Variants in MAST4 observed in about 807,000 individuals in gnomAD.
MAST4 encodes the protein microtubule associated serine/threonine kinase family member 4.
In MAST4, 89 loss-of-function variants were observed where a neutral mutation model predicts 162.7. The observed-to-expected ratio is 0.55, with a 90% CI of 0.46 to 0.65. The LOEUF (loss-of-function observed/expected upper bound fraction) is 0.65, where lower values mean the gene tolerates loss of function less well. Among genes scored for constraint, MAST4 ranks in the 30% least tolerant of loss-of-function variants. MAST4 has a pLI of 0.00. For synonymous variants in MAST4, 1,479 were observed against 1,361.1 expected, an observed-to-expected ratio of 1.09 and a Z score of -1.91; for missense variants, 3,153 against 3,374.0, an observed-to-expected ratio of 0.93 and a Z score of 1.62.
At chr5:66,975,582 T>C (rs1748040481) in intron 4 of MAST4, among the ~76,000 whole-genome samples, 1 of 151,946 alleles carries the variant, frequency 6.6e-6, no homozygotes, top group Non-Finnish European at 1.5e-5. Flanking sequence ...GCAGGAGAGA[T>C]TAAGGACAAG....
Position 67,168,976 on chromosome 5 carries a change from C to T in MAST4, c.*1925C>T, listed in dbSNP as rs1028765363. The T allele has an allele frequency of 3.9e-5, 6 of 152,094 alleles. No homozygotes were observed. Among genetic ancestry groups the T allele is most frequent in the African/African-American group, 1.2e-4 (5 of 41,430 alleles). The allele number at this position is 152,094 out of a possible 1,614,324, so 9.4% of individuals were successfully genotyped here. ...TTTCCCATATGGTTTTAGCCATTCC[C>T]CATCACTATATTGTGAAGCTGTAAA... On this transcript the variant is annotated 3_prime_UTR_variant, in exon 29 of 29. Transcript: ENST00000403625.
intron 14 of MAST4, among the ~76,000 whole-genome samples, chr5:67,121,339 A>C (rs570263790): frequency 2.6e-5 from 4 of 152,260 alleles, no homozygotes; most frequent in African/African-American, 9.6e-5. Flanking sequence ...AAGATTTTCA[A>C]GGAAAAATTT....
At chr5:67,046,324 ATC>A (rs1342568064) in intron 4 of MAST4, among the ~76,000 whole-genome samples, 1 of 152,206 alleles carries the variant, frequency 6.6e-6, no homozygotes, top group East Asian at 1.9e-4. Flanking sequence ...TGGATGGATA[ATC>A]TGCAATGCAT....
At chr5:66,633,119 C>G (rs1355689858) in intron 1 of MAST4, among the ~76,000 whole-genome samples, 1 of 152,186 alleles carries the variant, frequency 6.6e-6, no homozygotes, top group Non-Finnish European at 1.5e-5. Context: ...CAGTCATGTA[C>G]TCCTTGAGGC....
At chr5:66,851,059 A>T (rs1359605215) in intron 3 of MAST4, among the ~76,000 whole-genome samples, 1 of 151,912 alleles carries the variant, frequency 6.6e-6, no homozygotes, top group African/African-American at 2.4e-5. Flanking sequence ...GCCCAGCAAC[A>T]TTTCCCCATG....
chr5:66,692,051 T>C (rs1749074378), intron 1 of MAST4, among the ~76,000 whole-genome samples: 1 of 152,170 alleles, frequency 6.6e-6, no homozygotes, highest in African/African-American at 2.4e-5. Flanking sequence ...AGTCATCTTT[T>C]GTTTTTGTGT....
intron 2 of MAST4, among the ~76,000 whole-genome samples, chr5:66,766,485 C>T (rs998599486): frequency 1.2e-4 from 18 of 151,708 alleles, no homozygotes; most frequent in African/African-American, 3.9e-4. Flanking sequence ...TTTGGAATAA[C>T]GTCTGAAAAT....
intron 1 of MAST4, among the ~76,000 whole-genome samples, chr5:66,620,867 G>C (rs1485091709): frequency 6.6e-6 from 1 of 152,010 alleles, no homozygotes; most frequent in Non-Finnish European, 1.5e-5. Flanking sequence ...TGTGACTTCA[G>C]TTGTGGCTTA....
intron 3 of MAST4, among the ~76,000 whole-genome samples, chr5:66,821,895 G>C (rs1313672878): frequency 6.6e-6 from 1 of 152,108 alleles, no homozygotes; most frequent in African/African-American, 2.4e-5. Flanking sequence ...GAGGAAGATG[G>C]GGAGGGTTGG....
intron 1 of MAST4, among the ~76,000 whole-genome samples, chr5:66,700,910 C>T (rs550971096): frequency 2.9e-4 from 44 of 151,636 alleles, no homozygotes; most frequent in Non-Finnish European, 4.7e-4. Context: ...GCTTATGGCT[C>T]TTTAGATCTT....
intron 4 of MAST4, among the ~76,000 whole-genome samples, chr5:67,000,574 C>T (rs571407896): frequency 5.9e-5 from 9 of 152,150 alleles, no homozygotes; most frequent in South Asian, 2.1e-4. Flanking sequence ...GGTGAAACCC[C>T]GTCCCTACTA....
chr5:66,785,969 C>T (rs1445964986), intron 2 of MAST4, among the ~76,000 whole-genome samples: 5 of 152,204 alleles, frequency 3.3e-5, no homozygotes, highest in Admixed American at 6.5e-5. Context: ...CCTAGGCTCA[C>T]GAGGTCCTCC....
chr5:66,610,879 A>T (rs2149394048), intron 1 of MAST4, among the ~76,000 whole-genome samples: 1 of 152,340 alleles, frequency 6.6e-6, no homozygotes, highest in South Asian at 2.1e-4. Flanking sequence ...TCTTCATTGG[A>T]TGCCCAAGAC....
chr5:67,075,012 A>T (rs1305246171), intron 5 of MAST4, among the ~76,000 whole-genome samples: 1 of 152,186 alleles, frequency 6.6e-6, no homozygotes, highest in African/African-American at 2.4e-5. Context: ...CATTAGTAGC[A>T]GTACTAAAGT....
At chr5:66,665,986 G>A (rs191363599) in intron 1 of MAST4, among the ~76,000 whole-genome samples, 56 of 152,288 alleles carry the variant, frequency 3.7e-4, no homozygotes, top group Non-Finnish European at 4.9e-4. Flanking sequence ...TTAGAGCCCC[G>A]TTGGGGCTTT....
chr5:67,078,911 A>AAAAT (rs1762155149), intron 5 of MAST4, among the ~76,000 whole-genome samples: 1 of 38,110 alleles, frequency 2.6e-5, no homozygotes, highest in African/African-American at 1.2e-4. Context: ...TTTTTATATA[A>AAAAT]ATATATATAT....
Position 67,162,592 on chromosome 5 carries a change from C to T in MAST4, c.3786-15C>T, listed in dbSNP as rs1036005295. 2 of 1,610,702 alleles carry T rather than the reference C, an allele frequency of 1.2e-6. No homozygotes were observed. The highest frequency in any genetic ancestry group is 1.3e-5 in the African/African-American group (1 of 74,734). On this transcript the variant is annotated splice_polypyrimidine_tract_variant and intron_variant, in intron 27 of 28. Coordinates refer to ENST00000403625, the MANE Select transcript of MAST4 (RefSeq NM_001164664.2). Reference sequence around the variant, plus strand: ...CTGAAAGAAGACTGAACAATTTTTTCCTGTTTTTCTGTAGGAGGAGATCTC... The same window carrying T: ...CTGAAAGAAGACTGAACAATTTTTTTCTGTTTTTCTGTAGGAGGAGATCTC...
chr5:66,634,835 G>A (rs1745002699), intron 1 of MAST4, among the ~76,000 whole-genome samples: 1 of 152,142 alleles, frequency 6.6e-6, no homozygotes, highest in African/African-American at 2.4e-5. Flanking sequence ...TACTCTGTGC[G>A]GCCCAACCAG....
intron 3 of MAST4, among the ~76,000 whole-genome samples, chr5:66,848,680 C>T (rs1197020580): frequency 6.6e-6 from 1 of 152,172 alleles, no homozygotes; most frequent in African/African-American, 2.4e-5. Context: ...ATGTATGGAA[C>T]AGAAAATCCC....
Sources: gnomAD v4.1 joint callset for allele counts (sites outside exome capture counted in the v4.1 genomes callset) on GRCh38, gnomAD v4.1.1 for gene constraint, MANE v1.5 for transcripts, NCBI Gene and HGNC (gene_info 2026-07-23, HGNC 2026-07-21) for gene names.